Variants in SLCO3A1 observed in about 807,000 individuals in gnomAD.
The protein encoded by SLCO3A1 is solute carrier organic anion transporter family member 3A1, also known as PGE1 transporter.
Under a neutral mutation model 63.1 loss-of-function variants are expected in SLCO3A1, and 27 were observed. The observed-to-expected ratio is 0.43, with a 90% CI of 0.32 to 0.59. The LOEUF is 0.59. Ranked by LOEUF, SLCO3A1 falls within the 20% of genes least tolerant of loss-of-function variation. The probability of loss-of-function intolerance (pLI) is 0.09; values close to 1 mark genes in which losing one functional copy is unlikely to be tolerated. For missense variants in SLCO3A1, 773 were observed against 945.8 expected (o/e 0.82, Z 2.40); for synonymous variants, 473 against 409.9 (o/e 1.15, Z -1.86).
chr15:91,947,522 A>T (rs1047979684), intron 2 of SLCO3A1, among the ~76,000 whole-genome samples: 1 of 152,058 alleles, frequency 6.6e-6, no homozygotes, highest in Non-Finnish European at 1.5e-5. Flanking sequence ...GAGCTCTTAA[A>T]TCCTTCTAGG....
chr15:92,087,838 A>G (rs80308663), intron 2 of SLCO3A1, among the ~76,000 whole-genome samples: 2,584 of 152,292 alleles, frequency 0.017, 79 homozygotes, highest in African/African-American at 0.059. Context: ...ATTATCTTAT[A>G]TCAGTAATAG....
At chr15:91,873,368 G>A (rs920750921) in intron 1 of SLCO3A1, among the ~76,000 whole-genome samples, 4 of 152,108 alleles carry the variant, frequency 2.6e-5, no homozygotes, top group African/African-American at 9.7e-5. Flanking sequence ...CAGCAACCCT[G>A]GGACATCTGT....
chr15:92,123,953 G>C (rs955933855), intron 5 of SLCO3A1, among the ~76,000 whole-genome samples: 1 of 152,222 alleles, frequency 6.6e-6, no homozygotes, highest in Non-Finnish European at 1.5e-5. Context: ...CTTCTCCTGA[G>C]CTGGGCAGTC....
At chr15:91,986,389 A>T (rs1567052562) in intron 2 of SLCO3A1, among the ~76,000 whole-genome samples, 2 of 152,284 alleles carry the variant, frequency 1.3e-5, no homozygotes, top group South Asian at 4.1e-4. Context: ...CTTTCCTTCC[A>T]TCCTTGCCTG....
intron 5 of SLCO3A1, among the ~76,000 whole-genome samples, chr15:92,125,090 G>C (rs972021442): frequency 3.9e-5 from 6 of 152,096 alleles, no homozygotes; most frequent in Admixed American, 2.6e-4. Flanking sequence ...TTCTTGCAGA[G>C]CTATACCCCC....
Position 92,118,167 on chromosome 15 carries a change from C to A in SLCO3A1, c.1010-2298C>A, listed in dbSNP as rs375097193. Among the ~76,000 whole-genome samples, 41 of 152,218 alleles carry A rather than the reference C, an allele frequency of 2.7e-4. 3 individuals are homozygous for A. The highest frequency in any genetic ancestry group is 9.4e-4 in the African/African-American group (39 of 41,548). On this transcript the variant is annotated intron_variant, in intron 4 of 9. Coordinates refer to ENST00000318445, the MANE Select transcript of SLCO3A1 (RefSeq NM_013272.4). ...AAGTTGTTTTCTTATTATCTTTATT[C>A]TTATTCATAGCCTTTTAAAAGTGTT...
At chr15:92,044,624 A>G (rs1217429339) in intron 2 of SLCO3A1, among the ~76,000 whole-genome samples, 1 of 152,030 alleles carries the variant, frequency 6.6e-6, no homozygotes, top group Non-Finnish European at 1.5e-5. Flanking sequence ...TCCTAGGTCC[A>G]TGTGTCTTCA....
chr15:91,937,354 G>C (rs1307520083), intron 2 of SLCO3A1, among the ~76,000 whole-genome samples: 1 of 152,170 alleles, frequency 6.6e-6, no homozygotes, highest in African/African-American at 2.4e-5. Flanking sequence ...AGCTTTGACT[G>C]TTCTGCCCGC....
At chr15:91,991,377 C>T (rs1361993979) in intron 2 of SLCO3A1, among the ~76,000 whole-genome samples, 2 of 152,042 alleles carry the variant, frequency 1.3e-5, no homozygotes, top group East Asian at 1.9e-4. Context: ...AAAAATTGCC[C>T]AATTTTATAT....
chr15:92,110,874 A>ATGGACG (rs55784429), intron 4 of SLCO3A1, among the ~76,000 whole-genome samples: 107,573 of 151,230 alleles, frequency 0.71, 38,364 homozygotes, highest in Admixed American at 0.79. Flanking sequence ...TGACCAATCC[A>ATGGACG]TAGACTTGGC....
intron 4 of SLCO3A1, among the ~76,000 whole-genome samples, chr15:92,112,685 G>A (rs746347236): frequency 9.2e-5 from 14 of 152,176 alleles, no homozygotes; most frequent in Non-Finnish European, 1.9e-4. Flanking sequence ...GTAATGGCAG[G>A]GGACTCACTC....
At chr15:91,937,062 T>C (rs1899439103) in intron 2 of SLCO3A1, among the ~76,000 whole-genome samples, 1 of 152,158 alleles carries the variant, frequency 6.6e-6, no homozygotes. Flanking sequence ...TTGTCTCCCT[T>C]TCTTTTGGGT....
Position 91,949,850 on chromosome 15 carries a change from C to G in SLCO3A1, c.646+33392C>G, listed in dbSNP as rs1416879620. Among the ~76,000 whole-genome samples the G allele has an allele frequency of 2.0e-5, 3 of 151,440 alleles. No homozygotes were observed. The East Asian group carries it at 5.8e-4, about 29-fold the overall frequency. Reference sequence around the variant, plus strand: ...CGGCTTTAATAAATAAATAAATAAGCAAGCAAGCAAGCTGAGCGTGGTGCT... The same window carrying G: ...CGGCTTTAATAAATAAATAAATAAGGAAGCAAGCAAGCTGAGCGTGGTGCT... On this transcript the variant is annotated intron_variant, in intron 2 of 9. Coordinates refer to ENST00000318445, the MANE Select transcript of SLCO3A1 (RefSeq NM_013272.4).
At chr15:92,046,915 C>T (rs1422720952) in intron 2 of SLCO3A1, among the ~76,000 whole-genome samples, 1 of 138,990 alleles carries the variant, frequency 7.2e-6, no homozygotes, top group African/African-American at 2.7e-5. Flanking sequence ...TAATGAGCTC[C>T]TGGGGGATAA....
At chr15:91,947,339 AT>A (rs1899843807) in intron 2 of SLCO3A1, among the ~76,000 whole-genome samples, 1 of 152,160 alleles carries the variant, frequency 6.6e-6, no homozygotes, top group Non-Finnish European at 1.5e-5. Flanking sequence ...ATTCTGTGAA[AT>A]TGTGGGAATC....
chr15:92,156,318 G>A (rs538817426), intron 9 of SLCO3A1, among the ~76,000 whole-genome samples: 1 of 152,270 alleles, frequency 6.6e-6, no homozygotes, highest in South Asian at 2.1e-4. Flanking sequence ...GCGAACATAT[G>A]TTAGGCGCCA....
rs1899875904 is a variant in SLCO3A1 at position 91,948,203 on chromosome 15, AT to A, written c.646+31746del. 6.6e-6 allele frequency among the ~76,000 whole-genome samples: 1 copy of A among 152,156 alleles called. No individual in the cohort carries two copies. The highest frequency in any genetic ancestry group is 1.5e-5 in the Non-Finnish European group (1 of 68,034). On this transcript the variant is annotated intron_variant, in intron 2 of 9. Coordinates refer to ENST00000318445, the MANE Select transcript of SLCO3A1 (RefSeq NM_013272.4). The surrounding 1 kb of genome is among the most constrained non-coding windows in gnomAD (Gnocchi z 4.8). ...TGTTTCAGTGCCATGCGGCTAATGAATGCCGACCTCCGGGAAGCTTTTTCCA... is the reference window on the plus strand; with the variant it reads ...TGTTTCAGTGCCATGCGGCTAATGAAGCCGACCTCCGGGAAGCTTTTTCCA...
intron 2 of SLCO3A1, among the ~76,000 whole-genome samples, chr15:91,974,262 ATTG>A (rs201243284): frequency 7.0e-6 from 1 of 142,410 alleles, no homozygotes; most frequent in African/African-American, 2.6e-5. Flanking sequence ...CATTTTCATT[ATTG>A]TTATTATTAT....
chr15:92,020,432 A>G (rs1456989473), intron 2 of SLCO3A1, among the ~76,000 whole-genome samples: 1 of 152,260 alleles, frequency 6.6e-6, no homozygotes, highest in African/African-American at 2.4e-5. Context: ...TCCTGAAACC[A>G]TGTGGGCTGG....
Sources: gnomAD v4.1 joint callset for allele counts (sites outside exome capture counted in the v4.1 genomes callset) on GRCh38, gnomAD v4.1.1 for gene constraint, Gnocchi (gnomAD v3.1) non-coding constraint, MANE v1.5 for transcripts, NCBI Gene and HGNC (gene_info 2026-07-23, HGNC 2026-07-21) for gene names.